PLCB4: variants seen among roughly 807,000 people sequenced by gnomAD.
PLCB4 encodes 1-phosphatidylinositol 4,5-bisphosphate phosphodiesterase beta-4.
A neutral mutation model predicts 178.8 loss-of-function variants in PLCB4; 77 were observed. The observed-to-expected ratio is 0.43, with a 90% confidence interval of 0.36 to 0.52. The LOEUF is 0.52. Among genes scored for constraint, PLCB4 ranks in the 20% least tolerant of loss-of-function variants. The pLI, the probability that PLCB4 is intolerant of heterozygous loss-of-function variation, is 0.00. For missense variants in PLCB4, 1,024 were observed against 1,453.4 expected (o/e 0.70, Z 4.80); for synonymous variants, 496 against 490.8 (o/e 1.01, Z -0.14).
intron 3 of PLCB4, among the ~76,000 whole-genome samples, chr20:9,283,464 C>T (rs757799469): frequency 2.1e-4 from 32 of 151,890 alleles, no homozygotes; most frequent in Non-Finnish European, 4.1e-4. Context: ...TTATGAAGTA[C>T]TTTAAAGTTT....
At chr20:9,090,220 T>C (rs2090613731) in intron 1 of PLCB4, among the ~76,000 whole-genome samples, 1 of 117,852 alleles carries the variant, frequency 8.5e-6, no homozygotes, top group African/African-American at 3.6e-5. Flanking sequence ...TTGAGAATAC[T>C]ATTTATGTGT....
At chr20:9,449,408 C>T (rs1343216861) in intron 32 of PLCB4, among the ~76,000 whole-genome samples, 1 of 152,134 alleles carries the variant, frequency 6.6e-6, no homozygotes, top group Non-Finnish European at 1.5e-5. Flanking sequence ...CAGGTGTTGA[C>T]TCCATAAAAG....
At chr20:9,312,353 TACACACACACACAC>T (rs34443371) in intron 4 of PLCB4, among the ~76,000 whole-genome samples, 2,614 of 127,858 alleles carry the variant, frequency 0.02, 31 homozygotes, top group Non-Finnish European at 0.032. Flanking sequence ...CCTTCCACCC[TACACACACACACAC>T]ACACACACAC....
In PLCB4 at chr20:9,215,595, T is replaced by C. The variant is rs573332265; in HGVS notation, c.-78-1795T>C. Among the ~76,000 whole-genome samples, 373 of 152,232 alleles carry C rather than the reference T, an allele frequency of 2.5e-3. 3 individuals carry two copies. Among genetic ancestry groups the C allele is most frequent in the Non-Finnish European group, 4.5e-3 (309 of 68,044 alleles). On this transcript the variant is annotated intron_variant, in intron 2 of 39. Transcript: ENST00000378473. ...CTGTATATTTGAAGTGGGATGTTGC[T>C]TTCTGTAGAGACTTTGGAGTGAATT... is the stretch of plus-strand genomic sequence containing the variant.
chr20:9,188,310 A>T lies in PLCB4; in HGVS notation c.-78-29080A>T, dbSNP rs529321002. On this transcript the variant is annotated intron_variant, in intron 2 of 39. Transcript: ENST00000378473. ...CCCTATAGGTAACAATGGGAAGAAC[A>T]TTATAGGCGGATGGAACAATGGCAC... 3.4e-4 allele frequency among the ~76,000 whole-genome samples: 52 copies of T among 152,362 alleles called. 1 individual carries two copies. The South Asian group carries it at 9.7e-3, about 28-fold the overall frequency.
At chr20:9,086,733 G>T (rs2090439203) in intron 1 of PLCB4, among the ~76,000 whole-genome samples, 1 of 152,098 alleles carries the variant, frequency 6.6e-6, no homozygotes, top group Non-Finnish European at 1.5e-5. Context: ...CTTTCATGTT[G>T]AATGAGCTCA....
chr20:9,128,217 A>C (rs961191968), intron 2 of PLCB4, among the ~76,000 whole-genome samples: 1 of 151,742 alleles, frequency 6.6e-6, no homozygotes, highest in African/African-American at 2.4e-5. Flanking sequence ...TCTCTCTCTC[A>C]GTCCCACTCT....
At chr20:9,272,875 T>C (rs1231654987) in intron 3 of PLCB4, among the ~76,000 whole-genome samples, 1 of 150,642 alleles carries the variant, frequency 6.6e-6, no homozygotes, top group East Asian at 2.0e-4. Flanking sequence ...GAGCTTCTGG[T>C]TACAGGGATT....
chr20:9,293,868 T>C lies in PLCB4; in HGVS notation c.-15-13932T>C, dbSNP rs1015307738. Among the ~76,000 whole-genome samples, 6 of 151,938 alleles carry C rather than the reference T, an allele frequency of 3.9e-5. No homozygotes were observed. The East Asian group carries it at 9.7e-4, about 25-fold the overall frequency. ...TAACCAGTAAGTTTAGGGGAGTAAA[T>C]AACCAGTAAGTAAATAACCAGTAAG... On this transcript the variant is annotated intron_variant, in intron 3 of 39. Coordinates refer to ENST00000378473, the MANE Select transcript of PLCB4 (RefSeq NM_001377142.1).
chr20:9,232,675 G>A (rs2093946390), intron 3 of PLCB4, among the ~76,000 whole-genome samples: 1 of 152,078 alleles, frequency 6.6e-6, no homozygotes, highest in Non-Finnish European at 1.5e-5. Flanking sequence ...CAGTGCAAAG[G>A]ACTAAAGATC....
intron 3 of PLCB4, 115 bp from the exon 4 acceptor site, chr20:9,307,685 C>A: frequency 2.0e-6 from 1 of 493,512 alleles, no homozygotes; most frequent in Non-Finnish European, 3.6e-6. Flanking sequence ...AAGAAAAAAA[C>A]GTATTCCACA....
At chr20:9,433,786 A>G (rs1883490) in intron 28 of PLCB4, among the ~76,000 whole-genome samples, 13,191 of 152,196 alleles carry the variant, frequency 0.087, 719 homozygotes, top group East Asian at 0.31. Context: ...TTCCTGAGCA[A>G]GATTTAAGAA....
At position 9,272,176 on chromosome 20, in the gene PLCB4, C is replaced by T. The variant is rs144334931; in HGVS notation, c.-15-35624C>T. Among the ~76,000 whole-genome samples the T allele has an allele frequency of 6.1e-3, 909 of 148,690 alleles. 7 individuals carry two copies. Among genetic ancestry groups the T allele is most frequent in the African/African-American group, 0.021 (856 of 40,012 alleles). On this transcript the variant is annotated intron_variant, in intron 3 of 39. Coordinates refer to ENST00000378473, the MANE Select transcript of PLCB4 (RefSeq NM_001377142.1). Reference sequence around the variant, plus strand: ...CTGGGCAACAGAATAAAACCCTGCCCACGCACCCCCCTCAAAAAAAAAAAG... The same window carrying T: ...CTGGGCAACAGAATAAAACCCTGCCTACGCACCCCCCTCAAAAAAAAAAAG...
chr20:9,081,269 C>A (rs1449052480), intron 1 of PLCB4, among the ~76,000 whole-genome samples: 3 of 152,202 alleles, frequency 2.0e-5, no homozygotes, highest in Non-Finnish European at 4.4e-5. Flanking sequence ...TATAGCATTA[C>A]CTCTAAGATA....
chr20:9,202,182 T>G (rs2093555301), intron 2 of PLCB4, among the ~76,000 whole-genome samples: 1 of 152,050 alleles, frequency 6.6e-6, no homozygotes, highest in Admixed American at 6.6e-5. Flanking sequence ...AAGGCAACAT[T>G]GTAGGAAAAG....
chr20:9,469,526 C>T (rs2044036476), intron 36 of PLCB4, among the ~76,000 whole-genome samples: 1 of 152,166 alleles, frequency 6.6e-6, no homozygotes, highest in South Asian at 2.1e-4. Flanking sequence ...AATTGATGTG[C>T]TTGTGATTCA....
intron 2 of PLCB4, among the ~76,000 whole-genome samples, chr20:9,133,840 G>A (rs1262477443): frequency 6.6e-6 from 1 of 152,146 alleles, no homozygotes; most frequent in East Asian, 1.9e-4. Context: ...TTCTTCCTCT[G>A]TCTTTTTGTG....
chr20:9,468,997 G>C (rs1396639380), intron 36 of PLCB4, among the ~76,000 whole-genome samples: 2 of 144,028 alleles, frequency 1.4e-5, no homozygotes, highest in Admixed American at 6.9e-5. Flanking sequence ...TTGCTTGTTT[G>C]TTTTGAGATG....
At chr20:9,091,099 C>T (rs56201978) in intron 1 of PLCB4, among the ~76,000 whole-genome samples, 3 of 152,144 alleles carry the variant, frequency 2.0e-5, no homozygotes, top group Non-Finnish European at 4.4e-5. Context: ...GTAAATGTGA[C>T]AGGAGAGCTG....
Sources: gnomAD v4.1 joint callset for allele counts (sites outside exome capture counted in the v4.1 genomes callset) on GRCh38, gnomAD v4.1.1 for gene constraint, MANE v1.5 for transcripts, NCBI Gene and HGNC (gene_info 2026-07-23, HGNC 2026-07-21) for gene names.